CEP104: variants seen among roughly 807,000 people sequenced by gnomAD.
The protein encoded by CEP104 is centrosomal protein 104, also known as centrosomal protein of 104 kDa.
In CEP104, 84 loss-of-function variants were observed where a neutral mutation model predicts 113.3. The observed-to-expected ratio is 0.74, with a 90% confidence interval of 0.62 to 0.89. The LOEUF (loss-of-function observed/expected upper bound fraction) is 0.89, where lower values mean the gene tolerates loss of function less well. CEP104 is among the 40% of genes least tolerant of loss of function. CEP104 has a pLI of 0.00. For synonymous variants in CEP104, 378 were observed against 421.7 expected (o/e 0.90, Z 1.27); for missense variants, 1,053 against 1,156.6 (o/e 0.91, Z 1.30).
rs58111155 is a variant in CEP104, at chr1:3,826,786, G to C, written c.2152-42C>G. ...GTGAGGTCAGGGGCAAAGGGCTGCA[G>C]TGTGAGTGAGTGAGAGCCTGTTGAA... On this transcript the variant is annotated intron_variant, in intron 15 of 21. Coordinates refer to ENST00000378230, the MANE Select transcript of CEP104 (RefSeq NM_014704.4). 44,129 of 1,559,322 alleles carry C rather than the reference G, an allele frequency of 0.028. 1,210 individuals carry two copies. The highest frequency in any genetic ancestry group is 0.12 in the East Asian group (5,254 of 44,544).
rs1270463238 is a variant in CEP104, at chr1:3,815,168, C to A, written c.*234G>T. 2 of 539,916 alleles carry A rather than the reference C, an allele frequency of 3.7e-6. No individual in the cohort carries two copies. The highest frequency in any genetic ancestry group is 6.6e-6 in the Non-Finnish European group (2 of 301,068). 33.4% of individuals were successfully genotyped at this position (539,916 alleles called of 1,614,324 possible). A position where few individuals can be genotyped will look rare whatever the true frequency, so the allele number is the denominator to read the frequency against. On this transcript the variant is annotated 3_prime_UTR_variant, in exon 22 of 22. Transcript: ENST00000378230. ...GGAAGGCCTGAGACAGCCCTGAAGGCTTAATGTACAGTGCGGCCAGGTCCT... is the reference window on the plus strand; with the variant it reads ...GGAAGGCCTGAGACAGCCCTGAAGGATTAATGTACAGTGCGGCCAGGTCCT...
chr1:3,839,765 T>C lies in CEP104; in HGVS notation c.578A>G (p.Tyr193Cys), dbSNP rs749770964. Residue 193 changes from tyrosine (Y) to cysteine (C), a missense_variant, in exon 7 of 22, where the codon TAT becomes TGT. Coordinates refer to ENST00000378230, the MANE Select transcript of CEP104 (RefSeq NM_014704.4). Reference protein sequence around the residue: ...LEGTYARKSDYISPLDDLAFD... With the variant: ...LEGTYARKSDCISPLDDLAFD... ...AGCTAAGTCATCTAGCGGAGAGATA[T>C]AGTCAGATTTCCTAAAGGGAAGAAA... 16 of 1,609,662 alleles carry C rather than the reference T, an allele frequency of 9.9e-6. No individual in the cohort carries two copies. Among genetic ancestry groups the C allele is most frequent in the Non-Finnish European group, 1.4e-5 (16 of 1,178,894 alleles).
intron 2 of CEP104, among the ~76,000 whole-genome samples, chr1:3,849,478 C>A (rs189404982): frequency 2.6e-5 from 4 of 152,138 alleles, no homozygotes; most frequent in Non-Finnish European, 5.9e-5. Flanking sequence ...GGATCCTCCC[C>A]CTTCGGCCTC....
intron 20 of CEP104, among the ~76,000 whole-genome samples, chr1:3,820,285 T>A (rs1055016124): frequency 2.6e-5 from 4 of 152,144 alleles, no homozygotes; most frequent in Admixed American, 2.0e-4. Flanking sequence ...TGGCAATAAC[T>A]GAAATCAGAG....
chr1:3,829,418 A>C, intron 14 of CEP104, 45 bp from the exon 15 acceptor site: 1 of 1,446,348 alleles, frequency 6.9e-7, no homozygotes, highest in East Asian at 2.3e-5. Flanking sequence ...TGTTAGGGTA[A>C]TCTTAGAAAC....
chr1:3,846,722 G>A (rs146087500), intron 4 of CEP104, among the ~76,000 whole-genome samples: 22 of 152,192 alleles, frequency 1.4e-4, no homozygotes, highest in African/African-American at 5.1e-4. Flanking sequence ...GGACCTTTGC[G>A]CTCTTGTCCA....
chr1:3,854,499 C>CAAAA (rs1183457713), intron 1 of CEP104, among the ~76,000 whole-genome samples: 1 of 152,134 alleles, frequency 6.6e-6, no homozygotes, highest in Non-Finnish European at 1.5e-5. Flanking sequence ...ACAAGAGTCT[C>CAAAA]AATCTATCAC....
intron 1 of CEP104, among the ~76,000 whole-genome samples, chr1:3,855,091 C>T (rs990869582): frequency 6.6e-6 from 1 of 150,986 alleles, no homozygotes; most frequent in Non-Finnish European, 1.5e-5. Flanking sequence ...AGGCTGGTCT[C>T]GAACTCCTGA....
At chr1:3,837,898 G>A (rs1644345235) in intron 8 of CEP104, among the ~76,000 whole-genome samples, 1 of 152,224 alleles carries the variant, frequency 6.6e-6, no homozygotes, top group Admixed American at 6.5e-5. Context: ...TCAAAATCTG[G>A]CACTGCTATT....
chr1:3,842,864 T>C (rs1202764469), intron 6 of CEP104, among the ~76,000 whole-genome samples: 1 of 152,112 alleles, frequency 6.6e-6, no homozygotes, highest in Non-Finnish European at 1.5e-5. Flanking sequence ...CTTGGCTCAC[T>C]GCAACCTCCA....
Position 3,825,880 on chromosome 1 carries a change from A to G in CEP104, c.2256-14T>C. 1 of 1,569,418 alleles carries G rather than the reference A, an allele frequency of 6.4e-7. No individual in the cohort carries two copies. The highest frequency in any genetic ancestry group is 8.8e-7 in the Non-Finnish European group (1 of 1,139,042). On this transcript the variant is annotated splice_polypyrimidine_tract_variant and intron_variant, in intron 17 of 21. Transcript: ENST00000378230. ...AAAATACACAAACTGAAAGCAAAGC[A>G]AAGCAGGAAATAAAGGTAAGGATCT... is the stretch of plus-strand genomic sequence containing the variant.
intron 8 of CEP104, among the ~76,000 whole-genome samples, chr1:3,837,943 T>C (rs773631339): frequency 4.5e-4 from 69 of 152,234 alleles, no homozygotes; most frequent in Middle Eastern, 3.2e-3. Flanking sequence ...TGTTGTGTCA[T>C]CCCAACAAGC....
chr1:3,833,962 A>C lies in CEP104; in HGVS notation c.1559T>G (p.Leu520Arg). 6.2e-7 allele frequency: 1 copy of C among 1,613,740 alleles called. No individual in the cohort carries two copies. The highest frequency in any genetic ancestry group is 1.3e-5 in the African/African-American group (1 of 75,050). The change falls in exon 12 of 22, where the codon CTT (leucine) becomes CGT (arginine). Residue 520 changes from leucine to arginine, a missense_variant. Coordinates refer to ENST00000378230, the MANE Select transcript of CEP104 (RefSeq NM_014704.4). ...CCTCTCCACACAGTGAGCTGTTTCA[A>C]GTTTACTCAGTTTATGTTTAGGAAT... Reference protein sequence around the residue: ...QYIPKHKLSKLETAHCVERTI... With the variant: ...QYIPKHKLSKRETAHCVERTI...
In CEP104 at chr1:3,815,013, T is replaced by C. The variant is rs945501484; in HGVS notation, c.*389A>G. On this transcript the variant is annotated 3_prime_UTR_variant, in exon 22 of 22. Transcript: ENST00000378230. ...ATGTGCAAAAGGTTTCTGGTGAATG[T>C]TTTATGGAAATTGCTCCAAGCACTA... The C allele has an allele frequency of 2.2e-5, 4 of 178,438 alleles. No individual in the cohort carries two copies. The highest frequency in any genetic ancestry group is 9.5e-5 in the African/African-American group (4 of 42,022). 11.1% of individuals were successfully genotyped at this position (178,438 alleles called of 1,614,324 possible). A position where few individuals can be genotyped will look rare whatever the true frequency, so the allele number is the denominator to read the frequency against.
chr1:3,842,593 T>C (rs1230728138), intron 6 of CEP104, among the ~76,000 whole-genome samples: 2 of 152,232 alleles, frequency 1.3e-5, no homozygotes, highest in African/African-American at 2.4e-5. Context: ...ATCCAGGTTG[T>C]GTGCAAATAG....
intron 3 of CEP104, among the ~76,000 whole-genome samples, chr1:3,848,169 A>G (rs1225170674): frequency 6.6e-6 from 1 of 152,206 alleles, no homozygotes; most frequent in African/African-American, 2.4e-5. Context: ...AGGTGTTAAG[A>G]AACTGTGTAC....
chr1:3,829,417 A>C, intron 14 of CEP104, 44 bp from the exon 15 acceptor site: 1 of 1,446,250 alleles, frequency 6.9e-7, no homozygotes, highest in Non-Finnish European at 9.5e-7. Flanking sequence ...TTGTTAGGGT[A>C]ATCTTAGAAA....
intron 12 of CEP104, 80 bp from the exon 13 acceptor site, chr1:3,831,302 C>G: frequency 7.9e-7 from 1 of 1,270,074 alleles, no homozygotes. Context: ...TGATCTTAAA[C>G]TAAACACTGA....
intron 1 of CEP104, among the ~76,000 whole-genome samples, chr1:3,852,715 T>C (rs1434471965): frequency 6.6e-6 from 1 of 152,236 alleles, no homozygotes; most frequent in Non-Finnish European, 1.5e-5. Flanking sequence ...GTTCCACGTG[T>C]GGTACCCGTG....
Sources: gnomAD v4.1 joint callset for allele counts (sites outside exome capture counted in the v4.1 genomes callset) on GRCh38, gnomAD v4.1.1 for gene constraint, MANE v1.5 for transcripts, NCBI Gene and HGNC (gene_info 2026-07-23, HGNC 2026-07-21) for gene names.